Variants in GALNT10 observed in about 807,000 individuals in gnomAD.
GALNT10 encodes the protein GalNAc transferase 10.
A neutral mutation model predicts 75.0 loss-of-function variants in GALNT10; 41 were observed. The observed-to-expected ratio is 0.55, with a 90% CI of 0.43 to 0.71. The LOEUF (loss-of-function observed/expected upper bound fraction) is 0.71. GALNT10 is among the 30% of genes least tolerant of loss of function. The pLI, the probability that GALNT10 is intolerant of heterozygous loss-of-function variation, is 0.00. For missense variants in GALNT10, 727 were observed against 818.5 expected, an observed-to-expected ratio of 0.89 and a Z score of 1.36; for synonymous variants, 302 against 313.0, an observed-to-expected ratio of 0.96 and a Z score of 0.37.
At chr5:154,363,484 G>A (rs1197448119) in intron 4 of GALNT10, among the ~76,000 whole-genome samples, 2 of 100,610 alleles carry the variant, frequency 2.0e-5, no homozygotes, top group African/African-American at 3.8e-5. Flanking sequence ...TTGTGCCAGC[G>A]TTTATCTGAA....
Position 154,190,917 on chromosome 5 carries a change from G to C in GALNT10, c.51G>C (p.Ala17=). ...RLLQAVALVL[A]ALVLLPNVGL... The stretch of plus-strand genomic sequence containing the variant: ...TGCAGGCGGTGGCGCTGGTGCTGGC[G>C]GCCCTGGTCCTCCTGCCCAACGTGG... The change falls in exon 1 of 12, where the codon GCG becomes GCC. Residue 17 remains alanine (A), a synonymous_variant. Coordinates refer to ENST00000297107, the MANE Select transcript of GALNT10 (RefSeq NM_198321.4). 6.7e-7 allele frequency: 1 copy of C among 1,485,784 alleles called. No individual in the cohort carries two copies. Among genetic ancestry groups the C allele is most frequent in the Non-Finnish European group, 8.9e-7 (1 of 1,117,524 alleles). The allele number at this position is 1,485,784 out of a possible 1,614,324, so 92.0% of individuals were successfully genotyped here. A position where few individuals can be genotyped will look rare whatever the true frequency, so the allele number is the denominator to read the frequency against.
intron 1 of GALNT10, among the ~76,000 whole-genome samples, chr5:154,226,642 C>T (rs1031436054): frequency 2.0e-5 from 3 of 152,144 alleles, no homozygotes; most frequent in African/African-American, 7.2e-5. Flanking sequence ...TGTACTTTCA[C>T]CATAATGTAG....
chr5:154,204,256 T>C (rs936043989), intron 1 of GALNT10, among the ~76,000 whole-genome samples: 4 of 152,130 alleles, frequency 2.6e-5, no homozygotes, highest in African/African-American at 9.7e-5. Context: ...AGGCCCTGAA[T>C]TCTCTGCTGG....
chr5:154,296,109 T>C (rs565764978), intron 2 of GALNT10, among the ~76,000 whole-genome samples: 1 of 152,232 alleles, frequency 6.6e-6, no homozygotes, highest in Non-Finnish European at 1.5e-5. Context: ...TGTTTTCAGA[T>C]GGAGTCTCAC....
intron 1 of GALNT10, among the ~76,000 whole-genome samples, chr5:154,249,413 G>A (rs1326053662): frequency 6.6e-6 from 1 of 152,108 alleles, no homozygotes; most frequent in African/African-American, 2.4e-5. Flanking sequence ...AATACCAGAG[G>A]GCATTCAGTC....
In GALNT10 at chr5:154,316,277, T is replaced by G. The variant is rs559338977; in HGVS notation, c.402-13295T>G. 2.0e-5 allele frequency among the ~76,000 whole-genome samples: 3 copies of G among 152,304 alleles called. No individual in the cohort carries two copies. The East Asian group carries it at 5.8e-4, about 29-fold the overall frequency. ...ATTTACATCCAGGGTCTCCAAAAGA[T>G]TTTCTCTTTGTGTTGGGACTAAACT... is the stretch of plus-strand genomic sequence containing the variant. On this transcript the variant is annotated intron_variant, in intron 3 of 11. Coordinates refer to ENST00000297107, the MANE Select transcript of GALNT10 (RefSeq NM_198321.4).
In GALNT10 at chr5:154,321,477, G is replaced by GT. The variant is rs921669651; in HGVS notation, c.402-8088dup. ...TGCCCACCACTACACCCGGCTAATT[G>GT]TTTTTTTGTTAGTTTGTTTTTTTTA... On this transcript the variant is annotated intron_variant, in intron 3 of 11. Transcript: ENST00000297107. 8.6e-5 allele frequency among the ~76,000 whole-genome samples: 13 copies of GT among 151,698 alleles called. No homozygotes were observed. In the South Asian group the frequency reaches 2.5e-3, roughly 29 times the overall value.
At chr5:154,225,277 A>G (rs1248854504) in intron 1 of GALNT10, among the ~76,000 whole-genome samples, 1 of 150,906 alleles carries the variant, frequency 6.6e-6, no homozygotes, top group Non-Finnish European at 1.5e-5. Flanking sequence ...TATTTTTAGT[A>G]GAGATGGGAT....
intron 1 of GALNT10, among the ~76,000 whole-genome samples, chr5:154,292,218 A>G (rs1340815258): frequency 6.6e-6 from 1 of 152,150 alleles, no homozygotes; most frequent in African/African-American, 2.4e-5. Context: ...CAGTTCTCAA[A>G]CCTCAGCGTG....
intron 5 of GALNT10, among the ~76,000 whole-genome samples, chr5:154,378,575 A>T (rs1380246155): frequency 3.3e-5 from 5 of 152,222 alleles, no homozygotes; most frequent in Admixed American, 3.3e-4. Context: ...CAGAGGCTGC[A>T]CTGAGTGCCG....
chr5:154,408,578 C>G (rs1227362791), intron 8 of GALNT10, among the ~76,000 whole-genome samples: 1 of 151,894 alleles, frequency 6.6e-6, no homozygotes, highest in African/African-American at 2.4e-5. Flanking sequence ...TTCCTCTGTC[C>G]CCAAGTCTAC....
At chr5:154,243,970 G>A (rs961073215) in intron 1 of GALNT10, among the ~76,000 whole-genome samples, 6 of 152,210 alleles carry the variant, frequency 3.9e-5, no homozygotes, top group Admixed American at 2.6e-4. Context: ...TCATTTTATA[G>A]ATGAGGATAA....
chr5:154,279,531 G>T (rs1399792066), intron 1 of GALNT10, among the ~76,000 whole-genome samples: 3 of 151,870 alleles, frequency 2.0e-5, no homozygotes, highest in Non-Finnish European at 2.9e-5. Context: ...TCGAACTCCT[G>T]ACCTCAGGTG....
chr5:154,222,827 G>A (rs1753004731), intron 1 of GALNT10, among the ~76,000 whole-genome samples: 1 of 152,128 alleles, frequency 6.6e-6, no homozygotes, highest in Non-Finnish European at 1.5e-5. Flanking sequence ...AATGTTTTAT[G>A]TATTCTGCCT....
chr5:154,268,309 C>A (rs1753807659), intron 1 of GALNT10, among the ~76,000 whole-genome samples: 1 of 152,100 alleles, frequency 6.6e-6, no homozygotes, highest in African/African-American at 2.4e-5. Context: ...GAGGGTCAAC[C>A]CACTCATGGA....
intron 4 of GALNT10, among the ~76,000 whole-genome samples, chr5:154,355,931 C>T (rs907365756): frequency 6.6e-6 from 1 of 152,196 alleles, no homozygotes; most frequent in Non-Finnish European, 1.5e-5. Flanking sequence ...AGGCACCTAC[C>T]TTCCACTCTG....
intron 1 of GALNT10, among the ~76,000 whole-genome samples, chr5:154,251,117 T>C (rs1479501385): frequency 1.3e-5 from 2 of 152,114 alleles, no homozygotes; most frequent in East Asian, 3.8e-4. Flanking sequence ...TGTTATAAGG[T>C]GAACCCCTTT....
intron 1 of GALNT10, among the ~76,000 whole-genome samples, chr5:154,208,082 C>G (rs184382650): frequency 1.1e-4 from 17 of 152,308 alleles, no homozygotes; most frequent in African/African-American, 3.8e-4. Flanking sequence ...GAAGGCTCAG[C>G]CTGCTGTGTA....
chr5:154,285,840 G>C (rs1316317661), intron 1 of GALNT10, among the ~76,000 whole-genome samples: 1 of 152,026 alleles, frequency 6.6e-6, no homozygotes, highest in African/African-American at 2.4e-5. Context: ...CCTCACCCCT[G>C]TCCACCTCTC....
Sources: allele counts gnomAD v4.1 joint callset (sites outside exome capture counted in the v4.1 genomes callset), GRCh38; gene constraint gnomAD v4.1.1; transcripts MANE v1.5; gene names NCBI Gene and HGNC (gene_info 2026-07-23, HGNC 2026-07-21).